Variants in OR5A1 observed in about 807,000 individuals in gnomAD.
OR5A1 encodes olfactory receptor 5A1.
Under a neutral mutation model 6.7 loss-of-function variants are expected in OR5A1, and 6 were observed. That is an observed-to-expected ratio of 0.89 (90% CI 0.49 to 1.76). The LOEUF is 1.76. Ranked by LOEUF, OR5A1 falls within the 40% of genes most tolerant of loss-of-function variation. OR5A1 has a pLI of 0.01. For missense variants in OR5A1, 378 were observed against 381.7 expected (o/e 0.99, Z 0.08); for synonymous variants, 170 against 155.0 (o/e 1.10, Z -0.72).
In OR5A1 at chr11:59,445,134, TTAG is replaced by T. The variant is rs1420501735; in HGVS notation, c.*1019_*1021del. Reference sequence around the variant, plus strand: ...ACCTAGGTATTAAGCCCCACATCCGTTAGCTATTTATCCCGATGCTCTCCCTCC... The same window carrying T: ...ACCTAGGTATTAAGCCCCACATCCGTCTATTTATCCCGATGCTCTCCCTCC... On this transcript the variant is annotated 3_prime_UTR_variant, in exon 2 of 2. Transcript: ENST00000641045. 2 of 152,238 alleles carry T rather than the reference TTAG, an allele frequency of 1.3e-5. No homozygotes were observed. The highest frequency in any genetic ancestry group is 4.8e-5 in the African/African-American group (2 of 41,556). The allele number at this position is 152,238 out of a possible 1,614,324, so 9.4% of individuals were successfully genotyped here. A position where few individuals can be genotyped will look rare whatever the true frequency, so the allele number is the denominator to read the frequency against.
rs1264859848 is a variant in OR5A1 at position 59,450,893 on chromosome 11, C to T, written c.*6777C>T. On this transcript the variant is annotated 3_prime_UTR_variant, in exon 2 of 2. Transcript: ENST00000641045. Reference sequence around the variant, plus strand: ...GTACTATTGTGCCATATTTATTGAACAAATTTTCTATATCAGACGCTAACT... The same window carrying T: ...GTACTATTGTGCCATATTTATTGAATAAATTTTCTATATCAGACGCTAACT... 1 of 152,180 alleles carries T rather than the reference C, an allele frequency of 6.6e-6. No individual in the cohort carries two copies. Among genetic ancestry groups the T allele is most frequent in the Non-Finnish European group, 1.5e-5 (1 of 68,020 alleles). The allele number at this position is 152,180 out of a possible 1,614,324, so 9.4% of individuals were successfully genotyped here. A position where few individuals can be genotyped will look rare whatever the true frequency, so the allele number is the denominator to read the frequency against.
intron 1 of OR5A1, among the ~76,000 whole-genome samples, chr11:59,437,046 A>G (rs530847293): frequency 6.6e-6 from 1 of 152,326 alleles, no homozygotes; most frequent in Admixed American, 6.5e-5. Context: ...GAGCAATTGT[A>G]GAGTCACGGC....
chr11:59,441,983 GATAGAT>G (rs1299922470), intron 1 of OR5A1, among the ~76,000 whole-genome samples: 1 of 136,434 alleles, frequency 7.3e-6, no homozygotes, highest in Non-Finnish European at 1.6e-5. Context: ...TAGATAGATA[GATAGAT>G]GATAGATGAT....
intron 1 of OR5A1, among the ~76,000 whole-genome samples, chr11:59,437,503 G>C (rs1007170568): frequency 5.3e-5 from 8 of 152,236 alleles, no homozygotes; most frequent in Non-Finnish European, 8.8e-5. Context: ...TTCATGGCTT[G>C]ATAGCTCATT....
intron 1 of OR5A1, among the ~76,000 whole-genome samples, chr11:59,440,104 C>T (rs960459687): frequency 1.3e-5 from 2 of 152,156 alleles, no homozygotes. Context: ...CCCTTTGTCA[C>T]CTAGGCTGGA....
At position 59,449,380 on chromosome 11, in the gene OR5A1, G is replaced by A. The variant is rs772978692; in HGVS notation, c.*5264G>A. 1.3e-5 allele frequency: 2 copies of A among 152,128 alleles called. No individual in the cohort carries two copies. The highest frequency in any genetic ancestry group is 4.8e-5 in the African/African-American group (2 of 41,402). The allele number at this position is 152,128 out of a possible 1,614,324, so 9.4% of individuals were successfully genotyped here. ...CAATAGTGTCTCTGAAAGGCAAAAT[G>A]TCCATTTGCAATTCTGGAAGTATAT... On this transcript the variant is annotated 3_prime_UTR_variant, in exon 2 of 2. Coordinates refer to ENST00000641045, the MANE Select transcript of OR5A1 (RefSeq NM_001004728.2).
intron 1 of OR5A1, among the ~76,000 whole-genome samples, chr11:59,442,477 A>G (rs1858492016): frequency 6.6e-6 from 1 of 152,098 alleles, no homozygotes; most frequent in Non-Finnish European, 1.5e-5. Flanking sequence ...AAATAAATAA[A>G]TAAAATAATA....
Position 59,447,747 on chromosome 11 carries a change from T to C in OR5A1, c.*3631T>C, listed in dbSNP as rs923011773. The C allele has an allele frequency of 6.6e-6, 1 of 152,184 alleles. No individual in the cohort carries two copies. The highest frequency in any genetic ancestry group is 2.4e-5 in the African/African-American group (1 of 41,436). The allele number at this position is 152,184 out of a possible 1,614,324, so 9.4% of individuals were successfully genotyped here. On this transcript the variant is annotated 3_prime_UTR_variant, in exon 2 of 2. Transcript: ENST00000641045. ...GTTCTGTTGGAGGACATGGCTTTGA[T>C]CTGGTCCTGTGGCTGCCCCACAGTG... is the stretch of plus-strand genomic sequence containing the variant.
At position 59,444,321 on chromosome 11, in the gene OR5A1, A is replaced by C; in HGVS notation, c.*205A>C. On this transcript the variant is annotated 3_prime_UTR_variant, in exon 2 of 2. Transcript: ENST00000641045. ...CAAAAAGGGAAGGAATTTCTTCAGA[A>C]AAAAAAAAAAAAAAAAAAGAACCTC... 1 of 268,026 alleles carries C rather than the reference A, an allele frequency of 3.7e-6. No individual in the cohort carries two copies. The highest frequency in any genetic ancestry group is 7.0e-6 in the Non-Finnish European group (1 of 142,844). 16.6% of individuals were successfully genotyped at this position (268,026 alleles called of 1,614,324 possible).
rs891089548 is a variant in OR5A1 at position 59,449,820 on chromosome 11, G to A, written c.*5704G>A. The A allele has an allele frequency of 1.3e-5, 2 of 152,158 alleles. No individual in the cohort carries two copies. Among genetic ancestry groups the A allele is most frequent in the African/African-American group, 2.4e-5 (1 of 41,448 alleles). The allele number at this position is 152,158 out of a possible 1,614,324, so 9.4% of individuals were successfully genotyped here. On this transcript the variant is annotated 3_prime_UTR_variant, in exon 2 of 2. Coordinates refer to ENST00000641045, the MANE Select transcript of OR5A1 (RefSeq NM_001004728.2). ...GTTGGGGAACTACTGCACATCAGGA[G>A]TTGCAAATGGACACCCCTTTGTTCA...
chr11:59,443,615 T>C lies in OR5A1; in HGVS notation c.447T>C (p.Val149=). 6.2e-7 allele frequency: 1 copy of C among 1,614,050 alleles called. No individual in the cohort carries two copies. Among genetic ancestry groups the C allele is most frequent in the Non-Finnish European group, 8.5e-7 (1 of 1,180,018 alleles). Residue 149 remains valine, a synonymous_variant, in exon 2 of 2, where the codon GTT becomes GTC. Coordinates refer to ENST00000641045, the MANE Select transcript of OR5A1 (RefSeq NM_001004728.2). The part of the protein sequence containing the change: ...MTQGLCTRMV[V]GAYVGGFLSS... ...AGGGCCTCTGTACACGCATGGTGGT[T>C]GGGGCATATGTTGGTGGCTTCCTGA...
At chr11:59,440,905 T>TA (rs1234190730) in intron 1 of OR5A1, among the ~76,000 whole-genome samples, 1 of 152,144 alleles carries the variant, frequency 6.6e-6, no homozygotes, top group Non-Finnish European at 1.5e-5. Flanking sequence ...TGATGATAGC[T>TA]AAAAGGAGCT....
In OR5A1 at chr11:59,443,477, GT is replaced by G. The variant is rs755323345; in HGVS notation, c.317del (p.Phe106SerfsTer13). 2.1e-5 allele frequency: 34 copies of G among 1,613,766 alleles called. No homozygotes were observed. The East Asian group carries it at 3.3e-4, about 16-fold the overall frequency. On this transcript the variant is annotated frameshift_variant, in exon 2 of 2. Coordinates refer to ENST00000641045, the MANE Select transcript of OR5A1 (RefSeq NM_001004728.2). LOFTEE classifies it high-confidence loss of function. ...TISFVGCAAQ[F>X]FFFVGMGLSE... ...TATCATTTGTGGGCTGTGCTGCTCA[GT>G]TTTTTTTCTTTGTCGGCATGGGTCT...
At chr11:59,439,695 C>T (rs1412634152) in intron 1 of OR5A1, among the ~76,000 whole-genome samples, 2 of 152,176 alleles carry the variant, frequency 1.3e-5, no homozygotes. Flanking sequence ...GTTTCTGGGA[C>T]TGGGAAATCT....
Position 59,450,238 on chromosome 11 carries a change from G to A in OR5A1, c.*6122G>A, listed in dbSNP as rs1245841215. 1 of 152,174 alleles carries A rather than the reference G, an allele frequency of 6.6e-6. No individual in the cohort carries two copies. The highest frequency in any genetic ancestry group is 1.5e-5 in the Non-Finnish European group (1 of 68,018). 9.4% of individuals were successfully genotyped at this position (152,174 alleles called of 1,614,324 possible). On this transcript the variant is annotated 3_prime_UTR_variant, in exon 2 of 2. Transcript: ENST00000641045. ...TCGTTTGATCCTGACCTCACATTGA[G>A]CCTGATAGTCCAGAACCTTCTAAGG...
In OR5A1 at chr11:59,448,489, T is replaced by G. The variant is rs1292591713; in HGVS notation, c.*4373T>G. Reference sequence around the variant, plus strand: ...ATCCAATGCTTGGATCTTACAGGATTATTATGAGCCCAAAAAAAGAAAATT... The same window carrying G: ...ATCCAATGCTTGGATCTTACAGGATGATTATGAGCCCAAAAAAAGAAAATT... On this transcript the variant is annotated 3_prime_UTR_variant, in exon 2 of 2. Transcript: ENST00000641045. The G allele has an allele frequency of 6.6e-6, 1 of 152,162 alleles. No homozygotes were observed. The highest frequency in any genetic ancestry group is 1.5e-5 in the Non-Finnish European group (1 of 68,040). 9.4% of individuals were successfully genotyped at this position (152,162 alleles called of 1,614,324 possible).
At chr11:59,436,911 T>C (rs1858422474) in intron 1 of OR5A1, 76 bp downstream of exon 1, 1 of 152,192 alleles carries the variant, frequency 6.6e-6, no homozygotes, top group Non-Finnish European at 1.5e-5. Context: ...CACAAGCCCA[T>C]ATAGGTAACC....
intron 1 of OR5A1, among the ~76,000 whole-genome samples, chr11:59,440,279 T>C (rs994663142): frequency 3.9e-5 from 6 of 152,108 alleles, no homozygotes; most frequent in African/African-American, 1.4e-4. Context: ...ACCATGTTTC[T>C]CAGGTTGGTC....
At chr11:59,442,087 C>T (rs1191333828) in intron 1 of OR5A1, among the ~76,000 whole-genome samples, 4 of 152,172 alleles carry the variant, frequency 2.6e-5, no homozygotes, top group Non-Finnish European at 4.4e-5. Context: ...GTCAACATCG[C>T]ACATCTACTA....
Sources: allele counts gnomAD v4.1 joint callset (sites outside exome capture counted in the v4.1 genomes callset), GRCh38; gene constraint gnomAD v4.1.1; transcripts MANE v1.5; gene names NCBI Gene and HGNC (gene_info 2026-07-23, HGNC 2026-07-21).